The following CCDC47 variants were observed in gnomAD, a reference collection of about 807,000 sequenced individuals.
CCDC47 encodes the protein PAT complex subunit CCDC47.
Under a neutral mutation model 60.5 loss-of-function variants are expected in CCDC47, and 41 were observed. That is an observed-to-expected ratio of 0.68 (90% CI 0.53 to 0.88). The LOEUF is 0.88. Ranked by LOEUF, CCDC47 falls within the 40% of genes least tolerant of loss-of-function variation. The pLI is 0.00. For missense variants in CCDC47, 513 were observed against 580.9 expected (o/e 0.88, Z 1.20); for synonymous variants, 195 against 190.7 (o/e 1.02, Z -0.18).
At chr17:63,764,633 C>T in intron 3 of CCDC47, 107 bp downstream of exon 3, 1 of 913,918 alleles carries the variant, frequency 1.1e-6, no homozygotes, top group African/African-American at 1.7e-5. Flanking sequence ...TCCTTCTCAG[C>T]TCCCACTATT....
In CCDC47 at chr17:63,751,998, C is replaced by T. The variant is rs776194405; in HGVS notation, c.1313G>A (p.Arg438Lys). ...ATTCATGATTCGCTCCTTCTCTGCT[C>T]TTTTTTTCTCCTCCCGCCGAGACTG... ...AAQSRREEKK[R>K]AEKERIMNEE... The change falls in exon 12 of 13, where the codon AGA becomes AAA. Residue 438 changes from arginine to lysine, a missense_variant. Arg to Lys is a conservative substitution (Grantham distance 26, BLOSUM62 2). Transcript: ENST00000225726. 2.5e-6 allele frequency: 4 copies of T among 1,613,536 alleles called. No individual in the cohort carries two copies. The highest frequency in any genetic ancestry group is 1.1e-5 in the South Asian group (1 of 91,062).
intron 4 of CCDC47, chr17:63,761,950 G>A (rs1436009582): frequency 2.8e-6 from 2 of 715,932 alleles, no homozygotes; most frequent in Non-Finnish European, 3.4e-6. Context: ...CATACAAAAT[G>A]GGAAAAAAAT....
chr17:63,759,873 GGC>G (rs1399383040), intron 6 of CCDC47, among the ~76,000 whole-genome samples: 1 of 151,308 alleles, frequency 6.6e-6, no homozygotes, highest in Non-Finnish European at 1.5e-5. Context: ...AGACCATCCT[GGC>G]CAACATGGTG....
At chr17:63,761,884 AG>A in intron 4 of CCDC47, 3 of 811,318 alleles carry the variant, frequency 3.7e-6, no homozygotes, top group Non-Finnish European at 4.5e-6. Flanking sequence ...ATGGATTCTA[AG>A]CACATGCTTG....
At chr17:63,753,230 T>A (rs754065996) in intron 9 of CCDC47, 46 of 885,652 alleles carry the variant, frequency 5.2e-5, no homozygotes, top group Non-Finnish European at 6.2e-5. Flanking sequence ...CAGAGTAAAT[T>A]TAGGGATAAT....
At chr17:63,752,269 GAAGAAAC>G (rs753700310) in intron 11 of CCDC47, 44 bp downstream of exon 11, 5 of 1,477,556 alleles carry the variant, frequency 3.4e-6, no homozygotes, top group Non-Finnish European at 4.7e-6. Context: ...TCCCCCTTGA[GAAGAAAC>G]AAAAAAAGGT....
chr17:63,753,220 CAGAGTA>C (rs1214356916), intron 9 of CCDC47: 1 of 858,140 alleles, frequency 1.2e-6, no homozygotes, highest in Non-Finnish European at 1.4e-6. Flanking sequence ...GAGTTAGGCT[CAGAGTA>C]AATTTAGGGA....
chr17:63,772,067 G>A (rs1370511499), intron 1 of CCDC47, among the ~76,000 whole-genome samples: 3 of 151,826 alleles, frequency 2.0e-5, no homozygotes, highest in Non-Finnish European at 4.4e-5. Context: ...GGGCAACAGG[G>A]TGAGACTCTG....
intron 9 of CCDC47, chr17:63,753,363 A>G (rs2039181398): frequency 4.4e-5 from 11 of 249,168 alleles, no homozygotes; most frequent in Admixed American, 1.3e-4. Context: ...GAATGCTACA[A>G]TGTGAAACAC....
intron 9 of CCDC47, 89 bp from the exon 10 acceptor site, chr17:63,752,888 T>TC: frequency 6.6e-7 from 1 of 1,520,468 alleles, no homozygotes; most frequent in East Asian, 2.5e-5. Context: ...GATGAACAGA[T>TC]ACCTGCACAT....
intron 12 of CCDC47, chr17:63,747,857 T>C: frequency 1.1e-6 from 1 of 925,620 alleles, no homozygotes; most frequent in Non-Finnish European, 1.3e-6. Flanking sequence ...CTTAGGTTTT[T>C]TCTTTATTTT....
At chr17:63,771,820 GT>G (rs1465312322) in intron 1 of CCDC47, among the ~76,000 whole-genome samples, 1 of 152,068 alleles carries the variant, frequency 6.6e-6, no homozygotes, top group African/African-American at 2.4e-5. Flanking sequence ...GGTGGTCCAC[GT>G]CTGTAATCTC....
chr17:63,747,301 T>C (rs759219343), intron 12 of CCDC47: 465 of 984,754 alleles, frequency 4.7e-4, no homozygotes, highest in Non-Finnish European at 5.4e-4. Flanking sequence ...ATACCATTCA[T>C]GATGGCATTA....
intron 6 of CCDC47, among the ~76,000 whole-genome samples, chr17:63,756,809 A>G (rs751615900): frequency 1.1e-4 from 17 of 152,192 alleles, no homozygotes; most frequent in Admixed American, 3.9e-4. Flanking sequence ...TATCCAACTT[A>G]ATCAAGCAAG....
intron 3 of CCDC47, among the ~76,000 whole-genome samples, chr17:63,764,401 G>A (rs1003172514): frequency 2.6e-5 from 4 of 152,124 alleles, no homozygotes; most frequent in Non-Finnish European, 4.4e-5. Context: ...ACAATCAAAT[G>A]GGATGAAAAG....
intron 1 of CCDC47, chr17:63,772,724 T>C (rs926539357): frequency 6.6e-6 from 1 of 152,184 alleles, no homozygotes; most frequent in African/African-American, 2.4e-5. Context: ...CTCAGCACTA[T>C]AATGGAGATC....
chr17:63,761,745 T>G, intron 4 of CCDC47: 1 of 817,124 alleles, frequency 1.2e-6, no homozygotes, highest in Non-Finnish European at 1.5e-6. Flanking sequence ...TCCTCTACCC[T>G]GACCACAAAA....
In CCDC47 at chr17:63,745,872, C is replaced by G. The variant is rs1270482064; in HGVS notation, c.*1009G>C. On this transcript the variant is annotated 3_prime_UTR_variant, in exon 13 of 13. Transcript: ENST00000225726. ...TTCCGCAAGAGGTGGAAAGAACTCTCAATAGTTTAGGAAAGCTCATTTTCA... is the reference window on the plus strand; with the variant it reads ...TTCCGCAAGAGGTGGAAAGAACTCTGAATAGTTTAGGAAAGCTCATTTTCA... 1 of 152,190 alleles carries G rather than the reference C, an allele frequency of 6.6e-6. No individual in the cohort carries two copies. Among genetic ancestry groups the G allele is most frequent in the East Asian group, 1.9e-4 (1 of 5,200 alleles). The allele number at this position is 152,190 out of a possible 1,614,324, so 9.4% of individuals were successfully genotyped here. A position where few individuals can be genotyped will look rare whatever the true frequency, so the allele number is the denominator to read the frequency against.
At chr17:63,764,411 G>A (rs2039282734) in intron 3 of CCDC47, among the ~76,000 whole-genome samples, 1 of 152,194 alleles carries the variant, frequency 6.6e-6, no homozygotes, top group African/African-American at 2.4e-5. Context: ...GGGATGAAAA[G>A]CTGGAAAGCC....
Sources: gnomAD v4.1 joint callset for allele counts (sites outside exome capture counted in the v4.1 genomes callset) on GRCh38, gnomAD v4.1.1 for gene constraint, MANE v1.5 for transcripts, NCBI Gene and HGNC (gene_info 2026-07-23, HGNC 2026-07-21) for gene names.